Variants in LHCGR observed in about 807,000 individuals in gnomAD.
LHCGR encodes the protein luteinizing hormone/choriogonadotropin receptor, also known as lutropin-choriogonadotropic hormone receptor.
LHCGR carries 55 observed loss-of-function variants against 60.7 expected under a neutral mutation model. That is an observed-to-expected ratio of 0.91 (90% CI 0.73 to 1.13). The LOEUF (loss-of-function observed/expected upper bound fraction) is 1.13. Among genes scored for constraint, LHCGR ranks in the 50% most tolerant of loss-of-function variants. LHCGR has a pLI of 0.00. For synonymous variants in LHCGR, 337 were observed against 316.5 expected (o/e 1.06, Z -0.69); for missense variants, 862 against 836.0 (o/e 1.03, Z -0.38).
chr2:48,732,513 T>C (rs923214124), intron 1 of LHCGR, among the ~76,000 whole-genome samples: 8 of 152,142 alleles, frequency 5.3e-5, no homozygotes, highest in Non-Finnish European at 1.0e-4. Flanking sequence ...CACTCAACAA[T>C]GGTGTGAGGT....
intron 1 of LHCGR, among the ~76,000 whole-genome samples, chr2:48,742,497 A>G (rs201574140): frequency 0.16 from 24,639 of 151,774 alleles, 2,518 homozygotes; most frequent in East Asian, 0.34. Flanking sequence ...ACTATCTCTC[A>G]GACCGCAGTG....
intron 8 of LHCGR, among the ~76,000 whole-genome samples, 167 bp from the exon 9 acceptor site, chr2:48,698,967 G>A (rs1667267556): frequency 6.6e-6 from 1 of 151,748 alleles, no homozygotes; most frequent in Admixed American, 6.6e-5. Flanking sequence ...TCAGCCTCCC[G>A]AGTCGCTGGG....
In LHCGR at chr2:48,731,889, C is replaced by T. The variant is rs368024914; in HGVS notation, c.162-591G>A. ...CCCATCTTGATCTCTACTGTCTTTC[C>T]CAGGTAGCCTATTTCAATATTATTC... On this transcript the variant is annotated intron_variant, in intron 1 of 10. Coordinates refer to ENST00000294954, the MANE Select transcript of LHCGR (RefSeq NM_000233.4). Among the ~76,000 whole-genome samples, 11 of 152,212 alleles carry T rather than the reference C, an allele frequency of 7.2e-5. No homozygotes were observed. The East Asian group carries it at 1.4e-3, about 19-fold the overall frequency.
Position 48,688,419 on chromosome 2 carries a change from T to G in LHCGR, c.1378A>C (p.Ile460Leu). The G allele has an allele frequency of 6.2e-7, 1 of 1,614,208 alleles. No individual in the cohort carries two copies. Among genetic ancestry groups the G allele is most frequent in the South Asian group, 1.1e-5 (1 of 91,088 alleles). The change falls in exon 11 of 11, where the codon ATC (isoleucine) becomes CTC (leucine). Residue 460 changes from isoleucine (I) to leucine (L), a missense_variant. By Grantham distance (5) the Ile-to-Leu change is conservative. Transcript: ENST00000294954. The surrounding 1 kb of genome is among the most constrained non-coding windows in gnomAD (Gnocchi z 5.2). ...SELSVYTLTV[I>L]TLERWHTITY... Reference sequence around the variant, plus strand: ...ATGGTGTGCCATCTTTCTAGAGTGATGACGGTGAGGGTGTAGACAGAAAGT... The same window carrying G: ...ATGGTGTGCCATCTTTCTAGAGTGAGGACGGTGAGGGTGTAGACAGAAAGT...
At chr2:48,741,757 T>C (rs547888448) in intron 1 of LHCGR, among the ~76,000 whole-genome samples, 1 of 151,188 alleles carries the variant, frequency 6.6e-6, no homozygotes, top group South Asian at 2.1e-4. Flanking sequence ...GTAAAGACCA[T>C]CGAGACTAGG....
At chr2:48,740,159 G>C (rs1375716131) in intron 1 of LHCGR, among the ~76,000 whole-genome samples, 1 of 152,250 alleles carries the variant, frequency 6.6e-6, no homozygotes, top group Non-Finnish European at 1.5e-5. Flanking sequence ...TGCACGAGGA[G>C]ATTATATCCC....
At position 48,713,494 on chromosome 2, in the gene LHCGR, T is replaced by C. The variant is rs6752933; in HGVS notation, c.605+492A>G. On this transcript the variant is annotated intron_variant, in intron 7 of 10. Transcript: ENST00000294954. Reference sequence around the variant, plus strand: ...TGTTAACATCAAGAACTGGGTAGGGTGTGGTGAAAACACAAAGCTCCCTAC... The same window carrying C: ...TGTTAACATCAAGAACTGGGTAGGGCGTGGTGAAAACACAAAGCTCCCTAC... 2.0e-5 allele frequency among the ~76,000 whole-genome samples: 3 copies of C among 152,182 alleles called. No individual in the cohort carries two copies. The South Asian group carries it at 6.2e-4, about 32-fold the overall frequency.
intron 1 of LHCGR, among the ~76,000 whole-genome samples, chr2:48,741,681 C>G (rs1669461127): frequency 6.6e-6 from 1 of 150,918 alleles, no homozygotes; most frequent in East Asian, 1.9e-4. Context: ...TAAAAGAGCT[C>G]CTGAAGGAAG....
At chr2:48,747,416 C>T (rs113324226) in intron 1 of LHCGR, among the ~76,000 whole-genome samples, 23 of 152,196 alleles carry the variant, frequency 1.5e-4, no homozygotes, top group African/African-American at 5.1e-4. Context: ...CCTGAAATTA[C>T]TGGCCTGTGT....
rs121912536 is a variant in LHCGR, at chr2:48,688,770, A to T, written c.1027T>A (p.Cys343Ser). 6.2e-7 allele frequency: 1 copy of T among 1,614,168 alleles called. No individual in the cohort carries two copies. The highest frequency in any genetic ancestry group is 8.5e-7 in the Non-Finnish European group (1 of 1,180,004). Reference protein sequence around the residue: ...YGFCLPKTPRCAPEPDAFNPC... With the variant: ...YGFCLPKTPRSAPEPDAFNPC... Reference sequence around the variant, plus strand: ...TTAAAAGCATCTGGTTCAGGAGCACATCGGGGTGTCTTGGGTAAGCAGAAA... The same window carrying T: ...TTAAAAGCATCTGGTTCAGGAGCACTTCGGGGTGTCTTGGGTAAGCAGAAA... The change falls in exon 11 of 11, where the codon TGT (cysteine) becomes AGT (serine). Residue 343 changes from cysteine to serine, a missense_variant. Cys to Ser is a moderately radical substitution (Grantham distance 112). Transcript: ENST00000294954. This position sits in a 1 kb window ranked among gnomAD's most constrained non-coding sequence, Gnocchi z 5.2.
At chr2:48,735,458 G>A (rs939915735) in intron 1 of LHCGR, among the ~76,000 whole-genome samples, 4 of 152,208 alleles carry the variant, frequency 2.6e-5, no homozygotes, top group Admixed American at 2.6e-4. Context: ...CCATCTAGGA[G>A]TAGGGCTTCT....
chr2:48,710,207 A>T (rs375432364), intron 7 of LHCGR, among the ~76,000 whole-genome samples: 4 of 152,318 alleles, frequency 2.6e-5, no homozygotes, highest in Admixed American at 6.5e-5. Context: ...TCAATCTCAC[A>T]TCGTCCCATC....
chr2:48,729,688 T>C (rs551090215), intron 2 of LHCGR, among the ~76,000 whole-genome samples: 1 of 152,320 alleles, frequency 6.6e-6, no homozygotes, highest in South Asian at 2.1e-4. Flanking sequence ...ATGGATTGAA[T>C]TGTTTCATAA....
chr2:48,688,850 CTG>C lies in LHCGR; in HGVS notation c.948-3_948-2del. 1 of 1,613,812 alleles carries C rather than the reference CTG, an allele frequency of 6.2e-7. No homozygotes were observed. Among genetic ancestry groups the C allele is most frequent in the Non-Finnish European group, 8.5e-7 (1 of 1,179,828 alleles). ...ACTCTCAGCAAGCATGGAAGAATAA[CTG>C]TAAGAAGAATTATTGGCTTGAGGTA... On this transcript the variant is annotated splice_acceptor_variant and splice_polypyrimidine_tract_variant and intron_variant, in intron 10 of 10. Transcript: ENST00000294954. LOFTEE classifies it high-confidence loss of function. This position sits in a 1 kb window ranked among gnomAD's most constrained non-coding sequence, Gnocchi z 5.2.
At chr2:48,725,873 C>A in intron 3 of LHCGR, 123 bp from the exon 4 acceptor site, 152 of 743,734 alleles carry the variant, frequency 2.0e-4, no homozygotes, top group East Asian at 4.4e-4. Context: ...AGGCGACCTT[C>A]ATATGCTTGG....
intron 1 of LHCGR, among the ~76,000 whole-genome samples, chr2:48,742,979 C>A (rs1261114983): frequency 2.6e-5 from 4 of 151,550 alleles, no homozygotes; most frequent in Middle Eastern, 3.2e-3. Flanking sequence ...GAGAAGAATC[C>A]AATAGATGCA....
chr2:48,718,137 G>A (rs1303034940), intron 6 of LHCGR, among the ~76,000 whole-genome samples: 2 of 151,980 alleles, frequency 1.3e-5, no homozygotes, highest in Non-Finnish European at 2.9e-5. Context: ...AAATGAGGAA[G>A]GCTTCCTTTG....
intron 1 of LHCGR, among the ~76,000 whole-genome samples, chr2:48,754,604 C>CA (rs1214926227): frequency 6.6e-6 from 1 of 152,060 alleles, no homozygotes; most frequent in Non-Finnish European, 1.5e-5. Flanking sequence ...CACCCCCCCG[C>CA]CCCAAGCCCA....
At chr2:48,706,909 T>C (rs190381481) in intron 8 of LHCGR, among the ~76,000 whole-genome samples, 1 of 152,328 alleles carries the variant, frequency 6.6e-6, no homozygotes, top group Admixed American at 6.5e-5. Context: ...ATCAAACTCA[T>C]TCTCCGACCA....
Sources: gnomAD v4.1 joint callset for allele counts (sites outside exome capture counted in the v4.1 genomes callset) on GRCh38, gnomAD v4.1.1 for gene constraint, Gnocchi (gnomAD v3.1) non-coding constraint, MANE v1.5 for transcripts, NCBI Gene and HGNC (gene_info 2026-07-23, HGNC 2026-07-21) for gene names.